The following ZFHX3 variants were observed in gnomAD, a reference collection of about 807,000 sequenced individuals.
ZFHX3 encodes the protein zinc finger homeobox protein 3.
ZFHX3 carries 42 observed loss-of-function variants against 279.1 expected under a neutral mutation model. The ratio of observed to expected loss-of-function variants is 0.15; its 90% CI spans 0.12 to 0.19. The LOEUF is 0.19. Among genes scored for constraint, ZFHX3 ranks in the 10% least tolerant of loss-of-function variants. The pLI, the probability that ZFHX3 is intolerant of heterozygous loss-of-function variation, is 1.00. For synonymous variants in ZFHX3, 2,293 were observed against 1,957.8 expected (o/e 1.17, Z -4.52); for missense variants, 4,981 against 4,754.0 (o/e 1.05, Z -1.40).
chr16:73,001,191 C>G (rs190480467), intron 1 of ZFHX3, among the ~76,000 whole-genome samples: 7 of 152,192 alleles, frequency 4.6e-5, no homozygotes, highest in Non-Finnish European at 2.9e-5. Context: ...AGCCAAGTGC[C>G]CCATTGTGAG....
intron 5 of ZFHX3, among the ~76,000 whole-genome samples, chr16:73,193,747 C>G (rs1968089301): frequency 6.6e-6 from 1 of 152,172 alleles, no homozygotes; most frequent in Non-Finnish European, 1.5e-5. Context: ...TATTCTAACT[C>G]TGCCACTTTC....
chr16:73,130,713 T>C (rs1459687739), intron 7 of ZFHX3, among the ~76,000 whole-genome samples: 1 of 152,198 alleles, frequency 6.6e-6, no homozygotes, highest in African/African-American at 2.4e-5. Context: ...GTTCAAGGGA[T>C]TCTCCTGCCT....
At chr16:73,651,771 C>A (rs938512982) in intron 2 of ZFHX3, among the ~76,000 whole-genome samples, 3 of 144,110 alleles carry the variant, frequency 2.1e-5, no homozygotes, top group Non-Finnish European at 3.0e-5. Flanking sequence ...AGGAGAATGG[C>A]ATGAACCCGG....
chr16:73,806,602 G>T (rs192549650), intron 1 of ZFHX3, among the ~76,000 whole-genome samples: 1 of 152,150 alleles, frequency 6.6e-6, no homozygotes. Flanking sequence ...TGGTTGGTGG[G>T]GGGGGTCAAG....
upstream of ZFHX3, among the ~76,000 whole-genome samples, chr16:73,052,023 A>G (rs1400167270): frequency 6.6e-6 from 1 of 152,168 alleles, no homozygotes; most frequent in Non-Finnish European, 1.5e-5. Context: ...TTTGGGGCCA[A>G]GTAAAAAGAG....
intron 3 of ZFHX3, chr16:73,401,659 G>A (rs1287678566): frequency 6.6e-6 from 1 of 152,140 alleles, no homozygotes; most frequent in Non-Finnish European, 1.5e-5. Flanking sequence ...AGCATCCTGA[G>A]AATTAACAGA....
intron 2 of ZFHX3, among the ~76,000 whole-genome samples, chr16:73,528,599 C>T (rs1025019154): frequency 3.9e-5 from 6 of 152,136 alleles, no homozygotes; most frequent in African/African-American, 9.7e-5. Flanking sequence ...AGGAGGGAGT[C>T]GGAAGGGGGA....
At chr16:73,179,795 C>T (rs1380464365) in intron 5 of ZFHX3, among the ~76,000 whole-genome samples, 1 of 152,120 alleles carries the variant, frequency 6.6e-6, no homozygotes, top group Non-Finnish European at 1.5e-5. Context: ...GTCTGCTCCG[C>T]TTTTAGCAAA....
chr16:73,320,468 C>G (rs1355454885), intron 3 of ZFHX3, among the ~76,000 whole-genome samples: 1 of 152,204 alleles, frequency 6.6e-6, no homozygotes, highest in Non-Finnish European at 1.5e-5. Context: ...AGATCCACAT[C>G]ATCTCACATT....
chr16:73,502,036 G>A (rs1048384913), intron 2 of ZFHX3, among the ~76,000 whole-genome samples: 5 of 148,914 alleles, frequency 3.4e-5, no homozygotes, highest in African/African-American at 1.2e-4. Context: ...TTTTTTTTCT[G>A]TTTCTCTCCA....
rs60014247 is a variant in ZFHX3, at chr16:72,984,625, C to CAAA, written c.-49-24434_-49-24432dup. Among the ~76,000 whole-genome samples, 208 of 132,608 alleles carry CAAA rather than the reference C, an allele frequency of 1.6e-3. 3 individuals carry two copies. Among genetic ancestry groups the CAAA allele is most frequent in the African/African-American group, 4.3e-3 (149 of 34,620 alleles). 87.0% of individuals were successfully genotyped at this position (132,608 alleles called of 152,430 possible). ...TGGGCCAAAGAGCAAGACTCTGACTCAAAAAAAAAAAAAAAAATTCACTGA... is the reference window on the plus strand; with the variant it reads ...TGGGCCAAAGAGCAAGACTCTGACTCAAAAAAAAAAAAAAAAAAAATTCACTGA... On this transcript the variant is annotated intron_variant, in intron 1 of 9. Transcript: ENST00000268489.
rs949021905 is a variant in ZFHX3, at chr16:72,787,030, C to CTTT, written c.*131_*133dup. Reference sequence around the variant, plus strand: ...TATGGGAAAACAACCCACGCTTTTTCTTTTTTTTCTTTTTTTTTTTTTTTT... The same window carrying CTTT: ...TATGGGAAAACAACCCACGCTTTTTCTTTTTTTTTTTCTTTTTTTTTTTTTTTT... On this transcript the variant is annotated 3_prime_UTR_variant, in exon 10 of 10. Transcript: ENST00000268489. 1.0e-6 allele frequency: 1 copy of CTTT among 967,654 alleles called. No homozygotes were observed. The highest frequency in any genetic ancestry group is 4.5e-5 in the Admixed American group (1 of 22,194). The allele number at this position is 967,654 out of a possible 1,614,324, so 59.9% of individuals were successfully genotyped here. A position where few individuals can be genotyped will look rare whatever the true frequency, so the allele number is the denominator to read the frequency against.
At chr16:73,089,601 C>T (rs1033894396) in intron 8 of ZFHX3, among the ~76,000 whole-genome samples, 3 of 152,202 alleles carry the variant, frequency 2.0e-5, no homozygotes, top group Non-Finnish European at 4.4e-5. Context: ...ATTGACCCTG[C>T]ACTGACTGGC....
intron 3 of ZFHX3, among the ~76,000 whole-genome samples, chr16:73,336,184 A>G (rs2015909143): frequency 6.6e-6 from 1 of 152,224 alleles, no homozygotes; most frequent in Admixed American, 6.5e-5. Flanking sequence ...CCTGCGAAGC[A>G]CCAGGGACTG....
At chr16:73,077,752 G>A (rs905119861) in intron 8 of ZFHX3, among the ~76,000 whole-genome samples, 2 of 152,178 alleles carry the variant, frequency 1.3e-5, no homozygotes, top group African/African-American at 4.8e-5. Flanking sequence ...GACAGACAGA[G>A]TAAATTTGCC....
In ZFHX3 at chr16:73,817,332, T is replaced by C. The variant is rs1435228678; in HGVS notation, c.-1608+74319A>G. On this transcript the variant is annotated intron_variant, in intron 1 of 17. Transcript: ENST00000641206. The stretch of plus-strand genomic sequence containing the variant: ...TAATTCATTGACTTATTCACCATAT[T>C]CTGGAGAGGGCGAAAAGCAGCAGTT... 2.0e-5 allele frequency among the ~76,000 whole-genome samples: 3 copies of C among 152,304 alleles called. No individual in the cohort carries two copies. The South Asian group carries it at 6.2e-4, about 32-fold the overall frequency.
chr16:73,566,602 C>T (rs940017385), intron 2 of ZFHX3, among the ~76,000 whole-genome samples: 4 of 146,988 alleles, frequency 2.7e-5, no homozygotes, highest in Non-Finnish European at 6.1e-5. Context: ...ATTCCTGTGG[C>T]CTCAAACTCC....
intron 1 of ZFHX3, among the ~76,000 whole-genome samples, chr16:73,022,271 A>G (rs933316218): frequency 6.6e-6 from 1 of 152,174 alleles, no homozygotes; most frequent in African/African-American, 2.4e-5. Flanking sequence ...GGAAGCCCCA[A>G]GGCTGGAAGC....
intron 1 of ZFHX3, among the ~76,000 whole-genome samples, chr16:73,722,712 T>C (rs1014911955): frequency 6.6e-6 from 1 of 152,114 alleles, no homozygotes; most frequent in African/African-American, 2.4e-5. Flanking sequence ...CTGCCTCCAA[T>C]GATATGGGTA....
Sources: gnomAD v4.1 joint callset for allele counts (sites outside exome capture counted in the v4.1 genomes callset) on GRCh38, gnomAD v4.1.1 for gene constraint, MANE v1.5 for transcripts, NCBI Gene and HGNC (gene_info 2026-07-23, HGNC 2026-07-21) for gene names.